SGCD: variants seen among roughly 807,000 people sequenced by gnomAD.
SGCD encodes the protein sarcoglycan delta.
In SGCD, 18 loss-of-function variants were observed where a neutral mutation model predicts 36.6. The observed-to-expected ratio is 0.49, with a 90% CI of 0.34 to 0.73. SGCD has a LOEUF of 0.73. Ranked by LOEUF, SGCD falls within the 30% of genes least tolerant of loss-of-function variation. SGCD has a pLI of 0.01. For missense variants in SGCD, 387 were observed against 346.7 expected (o/e 1.12, Z -0.92); for synonymous variants, 133 against 130.6 (o/e 1.02, Z -0.12).
intron 3 of SGCD, among the ~76,000 whole-genome samples, chr5:156,444,163 TCTCTCTCTCTCCTTCC>T (rs371086401): frequency 0.016 from 2,188 of 138,806 alleles, 87 homozygotes; most frequent in African/African-American, 0.055. Flanking sequence ...TCTCCTTCCC[TCTCTCTCTCTCCTTCC>T]CTCTCTCTCT....
At chr5:156,442,163 C>G (rs1446061226) in intron 3 of SGCD, among the ~76,000 whole-genome samples, 1 of 152,140 alleles carries the variant, frequency 6.6e-6, no homozygotes, top group African/African-American at 2.4e-5. Flanking sequence ...GAGCAGTGAT[C>G]GAGTGTAATC....
chr5:155,802,497 A>T, the SGCD span, among the ~76,000 whole-genome samples: 1 of 152,222 alleles, frequency 6.6e-6, no homozygotes, highest in Non-Finnish European at 1.5e-5. Context: ...ACTTATCTTT[A>T]TAGCTGGCAA....
chr5:156,189,009 G>A (rs1763829160), intron 3 of SGCD, among the ~76,000 whole-genome samples: 2 of 152,116 alleles, frequency 1.3e-5, no homozygotes, highest in Non-Finnish European at 2.9e-5. Flanking sequence ...ATAAATTTGT[G>A]TGCCTTTTCT....
chr5:156,523,593 G>A (rs1009785029), intron 4 of SGCD, among the ~76,000 whole-genome samples: 1 of 151,984 alleles, frequency 6.6e-6, no homozygotes, highest in African/African-American at 2.4e-5. Context: ...TTTAATATGT[G>A]TGCTTCTAAT....
chr5:155,860,929 T>C, the SGCD span, among the ~76,000 whole-genome samples: 1 of 152,230 alleles, frequency 6.6e-6, no homozygotes, highest in Non-Finnish European at 1.5e-5. Context: ...AAGTTGTAGG[T>C]TACTCTTTGG....
At chr5:156,026,695 C>A (rs1029484853) in intron 1 of SGCD, among the ~76,000 whole-genome samples, 7 of 152,146 alleles carry the variant, frequency 4.6e-5, no homozygotes, top group African/African-American at 1.4e-4. Context: ...ACTTTGTCCT[C>A]CCTAGTGCCT....
intron 7 of SGCD, among the ~76,000 whole-genome samples, chr5:156,670,955 A>G (rs1753263947): frequency 6.6e-6 from 1 of 150,914 alleles, no homozygotes; most frequent in African/African-American, 2.4e-5. Context: ...CCCTCCTTTC[A>G]CCTTTTCTTA....
chr5:156,379,440 T>C (rs1252186532), intron 3 of SGCD, among the ~76,000 whole-genome samples: 2 of 152,160 alleles, frequency 1.3e-5, no homozygotes, highest in Non-Finnish European at 1.5e-5. Context: ...ATATGGATGG[T>C]GTGTTCAAGA....
chr5:156,571,795 T>C (rs1759735651), intron 4 of SGCD, among the ~76,000 whole-genome samples: 1 of 152,224 alleles, frequency 6.6e-6, no homozygotes, highest in Non-Finnish European at 1.5e-5. Context: ...TTAACTGAAG[T>C]GTATAATTCA....
intron 3 of SGCD, among the ~76,000 whole-genome samples, chr5:156,392,273 C>G (rs1771612258): frequency 6.6e-6 from 1 of 152,222 alleles, no homozygotes; most frequent in South Asian, 2.1e-4. Flanking sequence ...TGGACGGGGT[C>G]TTCAACCTCT....
intron 3 of SGCD, among the ~76,000 whole-genome samples, chr5:156,487,088 C>G (rs988984387): frequency 6.6e-6 from 1 of 152,040 alleles, no homozygotes; most frequent in Non-Finnish European, 1.5e-5. Flanking sequence ...GTATATGCTG[C>G]CAGGAACCCG....
At chr5:156,006,957 CT>C (rs957588271) in intron 1 of SGCD, among the ~76,000 whole-genome samples, 1 of 152,138 alleles carries the variant, frequency 6.6e-6, no homozygotes. Context: ...ATTTTCTTTT[CT>C]GTTTCTGCTC....
chr5:155,950,895 G>A (rs1757535594), intron 1 of SGCD, among the ~76,000 whole-genome samples: 1 of 152,104 alleles, frequency 6.6e-6, no homozygotes, highest in Non-Finnish European at 1.5e-5. Flanking sequence ...CTCCTTTAAA[G>A]AATCCTTACC....
intron 2 of SGCD, among the ~76,000 whole-genome samples, chr5:156,121,814 G>C (rs1762048056): frequency 6.6e-6 from 1 of 152,112 alleles, no homozygotes; most frequent in Non-Finnish European, 1.5e-5. Flanking sequence ...AGCAGGGGCT[G>C]AGAGTTGAGG....
intron 3 of SGCD, among the ~76,000 whole-genome samples, chr5:156,145,606 T>C (rs550741920): frequency 7.6e-4 from 115 of 152,258 alleles, no homozygotes; most frequent in African/African-American, 2.7e-3. Context: ...GTGACACTAA[T>C]GAAAGCCTCC....
chr5:156,387,701 A>G (rs1230033420), intron 3 of SGCD, among the ~76,000 whole-genome samples: 1 of 152,184 alleles, frequency 6.6e-6, no homozygotes, highest in Non-Finnish European at 1.5e-5. Context: ...AGATGTTGGG[A>G]AGAAAATGCA....
At chr5:156,641,491 T>A (rs188223940) in intron 6 of SGCD, among the ~76,000 whole-genome samples, 41 of 152,344 alleles carry the variant, frequency 2.7e-4, no homozygotes, top group Non-Finnish European at 2.8e-4. Flanking sequence ...TTCAAAAATA[T>A]TCCTGGTAAA....
intron 6 of SGCD, among the ~76,000 whole-genome samples, chr5:156,627,178 A>C (rs1459999292): frequency 6.6e-6 from 1 of 152,182 alleles, no homozygotes; most frequent in African/African-American, 2.4e-5. Context: ...AGCTTCATCC[A>C]TTTAGTGAGC....
intron 6 of SGCD, among the ~76,000 whole-genome samples, chr5:156,615,613 GTA>G (rs1012094433): frequency 6.6e-6 from 1 of 152,136 alleles, no homozygotes; most frequent in Non-Finnish European, 1.5e-5. Context: ...CATTAAATGT[GTA>G]TGTCTGTCAT....
Sources: allele counts gnomAD v4.1 joint callset (sites outside exome capture counted in the v4.1 genomes callset), GRCh38; gene constraint gnomAD v4.1.1; transcripts MANE v1.5; gene names NCBI Gene and HGNC (gene_info 2026-07-23, HGNC 2026-07-21).